PI4KA: variants seen among roughly 807,000 people sequenced by gnomAD.
PI4KA encodes PI4-kinase alpha.
Under a neutral mutation model 271.4 loss-of-function variants are expected in PI4KA, and 122 were observed. That is an observed-to-expected ratio of 0.45 (90% CI 0.39 to 0.52). PI4KA has a LOEUF of 0.52. Ranked by LOEUF, PI4KA falls within the 20% of genes least tolerant of loss-of-function variation. The pLI is 0.00. For synonymous variants in PI4KA, 1,041 were observed against 1,078.8 expected, an observed-to-expected ratio of 0.96 and a Z score of 0.69; for missense variants, 1,969 against 2,769.1, an observed-to-expected ratio of 0.71 and a Z score of 6.48.
intron 9 of PI4KA, among the ~76,000 whole-genome samples, chr22:20,808,450 G>A (rs186434949): frequency 1.2e-3 from 185 of 150,232 alleles, no homozygotes; most frequent in Middle Eastern, 3.4e-3. Context: ...AAAATTAGCC[G>A]GGCGTGGTGG....
At chr22:20,803,083 G>C in intron 13 of PI4KA, 108 bp downstream of exon 13, 1 of 1,107,558 alleles carries the variant, frequency 9.0e-7, no homozygotes, top group Non-Finnish European at 1.4e-6. Context: ...AGAAGGAAAG[G>C]TGTGGCGAAG....
chr22:20,834,567 CCT>C lies in PI4KA; in HGVS notation c.360_361del (p.Gly121GlnfsTer20). The C allele has an allele frequency of 4.4e-6, 7 of 1,586,104 alleles. No homozygotes were observed. Among genetic ancestry groups the C allele is most frequent in the Non-Finnish European group, 5.2e-6 (6 of 1,154,568 alleles). ...AAAACATTATATACAATTACCTCTG[CCT>C]TTCCGAGCTGTGCTTTCTTCTACCC... On this transcript the variant is annotated frameshift_variant, in exon 3 of 55. Coordinates refer to ENST00000255882, the MANE Select transcript of PI4KA (RefSeq NM_058004.4). LOFTEE classifies it high-confidence loss of function.
At chr22:20,815,379 C>CAAAAAAAAAAAAAAA (rs361826) in intron 7 of PI4KA, among the ~76,000 whole-genome samples, 3 of 83,926 alleles carry the variant, frequency 3.6e-5, no homozygotes, top group Middle Eastern at 7.9e-3. Context: ...GACTGCGTCT[C>CAAAAAAAAAAAAAAA]AAAAAAAAAA....
chr22:20,858,671 AGCCGCCGCC>A lies in PI4KA; in HGVS notation c.46_54del (p.Gly16_Gly18del). The A allele has an allele frequency of 6.8e-7, 1 of 1,469,998 alleles. No individual in the cohort carries two copies. Among genetic ancestry groups the A allele is most frequent in the Non-Finnish European group, 8.9e-7 (1 of 1,118,922 alleles). The allele number at this position is 1,469,998 out of a possible 1,614,324, so 91.1% of individuals were successfully genotyped here. On this transcript the variant is annotated inframe_deletion, in exon 1 of 55. Transcript: ENST00000255882. ...GAGGCGCTGGAGCCGGAGCCGGAGC[AGCCGCCGCC>A]GCCTCCGCCTCCGCCTCCGCCTCCC...
intron 7 of PI4KA, 36 bp from the exon 8 acceptor site, chr22:20,813,542 G>C (rs1342710691): frequency 1.2e-6 from 2 of 1,607,102 alleles, no homozygotes; most frequent in African/African-American, 2.7e-5. Context: ...CAGCCGTGGT[G>C]ACAGGCAACT....
intron 19 of PI4KA, among the ~76,000 whole-genome samples, chr22:20,766,257 C>A (rs908027722): frequency 6.6e-6 from 1 of 152,086 alleles, no homozygotes; most frequent in Admixed American, 6.5e-5. Flanking sequence ...GCAGAATCCC[C>A]ATATATGTAA....
chr22:20,724,882 G>GA (rs945638313), intron 42 of PI4KA, among the ~76,000 whole-genome samples: 44 of 152,336 alleles, frequency 2.9e-4, no homozygotes, highest in Middle Eastern at 3.4e-3. Flanking sequence ...CAGGGGGAAG[G>GA]AAACAGGTTG....
Position 20,779,993 on chromosome 22 carries a change from G to C in PI4KA, c.2328+13200C>G, listed in dbSNP as rs767630078. On this transcript the variant is annotated intron_variant, in intron 19 of 54. Coordinates refer to ENST00000255882, the MANE Select transcript of PI4KA (RefSeq NM_058004.4). ...GGTCAGTCAATGACCTTTATATCCA[G>C]AAGCAGTTTCCAATCCTGCTTGACT... 4 of 1,614,136 alleles carry C rather than the reference G, an allele frequency of 2.5e-6. No homozygotes were observed. The South Asian group carries it at 4.4e-5, about 18-fold the overall frequency.
At chr22:20,834,477 G>C in intron 3 of PI4KA, 85 bp downstream of exon 3, 11 of 834,420 alleles carry the variant, frequency 1.3e-5, no homozygotes, top group Non-Finnish European at 1.9e-5. Flanking sequence ...CATCTGATGT[G>C]TCAGTATGAA....
At chr22:20,782,563 C>A (rs1274243892) in intron 19 of PI4KA, among the ~76,000 whole-genome samples, 1 of 152,148 alleles carries the variant, frequency 6.6e-6, no homozygotes, top group Admixed American at 6.5e-5. Flanking sequence ...TAAACAGAGG[C>A]AGGCTCTCAT....
intron 29 of PI4KA, among the ~76,000 whole-genome samples, chr22:20,746,653 AG>A (rs1029193323): frequency 1.3e-5 from 2 of 152,240 alleles, no homozygotes; most frequent in African/African-American, 4.8e-5. Flanking sequence ...CGTCCAGGTC[AG>A]GGCACTGATA....
chr22:20,817,742 A>G (rs1403605847), intron 7 of PI4KA, among the ~76,000 whole-genome samples: 1 of 48,526 alleles, frequency 2.1e-5, no homozygotes, highest in Non-Finnish European at 3.9e-5. Context: ...TCCAAAAAAA[A>G]AAAAAAAAAA....
At chr22:20,771,999 A>G (rs987751215) in intron 19 of PI4KA, among the ~76,000 whole-genome samples, 11 of 152,214 alleles carry the variant, frequency 7.2e-5, no homozygotes, top group Non-Finnish European at 1.6e-4. Flanking sequence ...CTGTGAATAA[A>G]TATGTAATAC....
Position 20,815,924 on chromosome 22 carries a change from G to T in PI4KA, c.857-2418C>A, listed in dbSNP as rs202204124. The stretch of plus-strand genomic sequence containing the variant: ...CTAACATTTGGGATTTACGCAGGGG[G>T]TGTCATTGAAACTTCTTTTTTTTTT... On this transcript the variant is annotated intron_variant, in intron 7 of 54. Transcript: ENST00000255882. 7.2e-5 allele frequency among the ~76,000 whole-genome samples: 11 copies of T among 151,728 alleles called. No homozygotes were observed. The East Asian group carries it at 2.1e-3, about 29-fold the overall frequency.
At chr22:20,815,587 A>G (rs165634) in intron 7 of PI4KA, among the ~76,000 whole-genome samples, 84,424 of 152,004 alleles carry the variant, frequency 0.56, 25,494 homozygotes, top group African/African-American at 0.8. Flanking sequence ...CACAGCTGGC[A>G]GCACACTGCC....
chr22:20,784,738 A>G (rs1021647872), intron 19 of PI4KA, among the ~76,000 whole-genome samples: 1 of 152,134 alleles, frequency 6.6e-6, no homozygotes, highest in Non-Finnish European at 1.5e-5. Flanking sequence ...CTCTATTATT[A>G]TTCGTTACTT....
intron 7 of PI4KA, among the ~76,000 whole-genome samples, chr22:20,816,727 G>A (rs1480901360): frequency 6.6e-6 from 1 of 152,240 alleles, no homozygotes; most frequent in East Asian, 1.9e-4. Context: ...AGGCATTTCA[G>A]AGAGCAGGGC....
intron 36 of PI4KA, among the ~76,000 whole-genome samples, chr22:20,730,810 T>C (rs996802822): frequency 1.3e-5 from 2 of 152,034 alleles, no homozygotes; most frequent in African/African-American, 4.8e-5. Context: ...CCTCAAATGA[T>C]CCACCTGCCT....
intron 19 of PI4KA, among the ~76,000 whole-genome samples, chr22:20,766,552 C>G (rs1308032432): frequency 6.6e-6 from 1 of 152,164 alleles, no homozygotes; most frequent in African/African-American, 2.4e-5. Flanking sequence ...GTAATCCCAG[C>G]TACTCGGGAG....
Sources: allele counts gnomAD v4.1 joint callset (sites outside exome capture counted in the v4.1 genomes callset), GRCh38; gene constraint gnomAD v4.1.1; transcripts MANE v1.5; gene names NCBI Gene and HGNC (gene_info 2026-07-23, HGNC 2026-07-21).